Variants in GALK2 observed in about 807,000 individuals in gnomAD.
The protein encoded by GALK2 is galactokinase 2.
Under a neutral mutation model 52.4 loss-of-function variants are expected in GALK2, and 36 were observed. That is an observed-to-expected ratio of 0.69 (90% CI 0.53 to 0.91). The LOEUF is 0.91. Ranked by LOEUF, GALK2 falls within the 40% of genes least tolerant of loss-of-function variation. GALK2 has a pLI of 0.00. For synonymous variants in GALK2, 176 were observed against 199.1 expected, an observed-to-expected ratio of 0.88 and a Z score of 0.98; for missense variants, 579 against 559.1, an observed-to-expected ratio of 1.04 and a Z score of -0.36.
At chr15:49,366,397 A>G in intron 3 of GALK2, 2 of 809,448 alleles carry the variant, frequency 2.5e-6, no homozygotes, top group Non-Finnish European at 2.2e-6. Flanking sequence ...TTTCAAGAAA[A>G]TGGCAGCTGC....
chr15:49,158,252 G>C (rs528404649), intron 1 of GALK2, among the ~76,000 whole-genome samples: 1 of 152,304 alleles, frequency 6.6e-6, no homozygotes, highest in African/African-American at 2.4e-5. Context: ...TGATACAGAA[G>C]ATGCTAAAGA....
intron 1 of GALK2, 75 bp downstream of exon 1, chr15:49,170,450 T>G: frequency 6.8e-7 from 1 of 1,463,304 alleles, no homozygotes; most frequent in South Asian, 1.2e-5. Flanking sequence ...AGCACTTGGC[T>G]CCTCCCTTGG....
At chr15:49,203,139 C>G (rs1406624424) in intron 2 of GALK2, among the ~76,000 whole-genome samples, 2 of 152,278 alleles carry the variant, frequency 1.3e-5, no homozygotes, top group African/African-American at 4.8e-5. Context: ...CAACCTCCAC[C>G]TCCTGGGTTC....
chr15:49,365,399 T>G, intron 3 of GALK2: 1 of 1,121,534 alleles, frequency 8.9e-7, no homozygotes, highest in Non-Finnish European at 1.4e-6. Context: ...AGAACCAGTC[T>G]AAACATCAAC....
At chr15:49,246,343 T>A (rs1426348889) in intron 5 of GALK2, among the ~76,000 whole-genome samples, 1 of 152,170 alleles carries the variant, frequency 6.6e-6, no homozygotes, top group Non-Finnish European at 1.5e-5. Context: ...TGTGTTAGAC[T>A]AGCATCTATC....
intron 1 of GALK2, among the ~76,000 whole-genome samples, chr15:49,183,324 C>A (rs1208770294): frequency 3.9e-5 from 6 of 152,088 alleles, no homozygotes; most frequent in Admixed American, 3.9e-4. Context: ...TCTTAGCATT[C>A]CATCACTGTA....
intron 1 of GALK2, among the ~76,000 whole-genome samples, chr15:49,180,976 G>C (rs1003610860): frequency 5.3e-5 from 8 of 151,954 alleles, no homozygotes; most frequent in African/African-American, 1.9e-4. Flanking sequence ...TTGTCCCCCT[G>C]TATTGTGAAT....
chr15:49,343,000 G>C (rs2040962427), intron 3 of GALK2, among the ~76,000 whole-genome samples: 1 of 152,092 alleles, frequency 6.6e-6, no homozygotes, highest in Non-Finnish European at 1.5e-5. Flanking sequence ...ATGCCTTGGT[G>C]ATGTTCATTT....
intron 3 of GALK2, among the ~76,000 whole-genome samples, chr15:49,233,637 G>A (rs538261206): frequency 2.0e-5 from 3 of 152,202 alleles, no homozygotes; most frequent in South Asian, 2.1e-4. Context: ...TAACATAACT[G>A]TATCTGCTTT....
intron 5 of GALK2, among the ~76,000 whole-genome samples, chr15:49,242,862 A>T (rs1266518322): frequency 6.6e-6 from 1 of 152,234 alleles, no homozygotes; most frequent in East Asian, 1.9e-4. Flanking sequence ...TCCCTAAATT[A>T]ATCTTCTTTT....
At position 49,356,461 on chromosome 15, in the gene GALK2, C is replaced by G. The variant is rs1467123012; in HGVS notation, c.427-11030C>G. Among the ~76,000 whole-genome samples the G allele has an allele frequency of 2.0e-5, 3 of 150,148 alleles. No individual in the cohort carries two copies. The South Asian group carries it at 6.5e-4, about 32-fold the overall frequency. On this transcript the variant is annotated intron_variant, in intron 3 of 3. Transcript: ENST00000558399. ...AGTCTCTGATACAACAGACTTTAAA[C>G]CAACAAAGATCAAAAGAGACAAAGA...
chr15:49,196,867 A>G (rs2087279554), intron 1 of GALK2, among the ~76,000 whole-genome samples: 1 of 152,172 alleles, frequency 6.6e-6, no homozygotes, highest in African/African-American at 2.4e-5. Flanking sequence ...AGGCAGGAGG[A>G]TCACTTGAAG....
At chr15:49,350,115 T>G (rs2163096) in intron 3 of GALK2, among the ~76,000 whole-genome samples, 63,733 of 151,836 alleles carry the variant, frequency 0.42, 13,513 homozygotes, top group African/African-American at 0.45. Flanking sequence ...GGTATATCAA[T>G]TTCTATAAAA....
chr15:49,216,129 A>G (rs1427517865), intron 2 of GALK2, among the ~76,000 whole-genome samples: 1 of 152,170 alleles, frequency 6.6e-6, no homozygotes, highest in East Asian at 1.9e-4. Context: ...TGGGCTGCCT[A>G]GAGCACTTCC....
chr15:49,161,425 T>TA (rs2084647600), intron 1 of GALK2, among the ~76,000 whole-genome samples: 1 of 152,230 alleles, frequency 6.6e-6, no homozygotes, highest in Non-Finnish European at 1.5e-5. Flanking sequence ...TTTCTGTCCT[T>TA]AAAAATCCAT....
At position 49,260,835 on chromosome 15, in the gene GALK2, A is replaced by G. The variant is rs1017238504; in HGVS notation, c.505-21152A>G. On this transcript the variant is annotated intron_variant, in intron 5 of 9. Transcript: ENST00000560031. ...TTATTAAATAGGGAATCCTTTCCCC[A>G]TTGCTTGTTTTTCTCAGGTTTGTCA... Among the ~76,000 whole-genome samples, 31 of 152,146 alleles carry G rather than the reference A, an allele frequency of 2.0e-4. 1 individual carries two copies. Among genetic ancestry groups the G allele is most frequent in the African/African-American group, 7.5e-4 (31 of 41,508 alleles).
intron 3 of GALK2, among the ~76,000 whole-genome samples, chr15:49,354,257 T>TAGG (rs1270673932): frequency 6.6e-6 from 1 of 152,224 alleles, no homozygotes; most frequent in Non-Finnish European, 1.5e-5. Context: ...GATGGCCGAA[T>TAGG]AGGAACAGCT....
intron 2 of GALK2, among the ~76,000 whole-genome samples, chr15:49,211,518 A>G (rs1163347867): frequency 6.6e-6 from 1 of 152,150 alleles, no homozygotes; most frequent in Non-Finnish European, 1.5e-5. Context: ...GCAATGCCCC[A>G]CTTCTGATAC....
At chr15:49,167,607 C>A (rs2084864622), upstream of GALK2, among the ~76,000 whole-genome samples, 1 of 152,196 alleles carries the variant, frequency 6.6e-6, no homozygotes, top group Admixed American at 6.5e-5. Context: ...GATCTGCCCA[C>A]CTTGGCCTCC....
Sources: gnomAD v4.1 joint callset for allele counts (sites outside exome capture counted in the v4.1 genomes callset) on GRCh38, gnomAD v4.1.1 for gene constraint, MANE v1.5 for transcripts, NCBI Gene and HGNC (gene_info 2026-07-23, HGNC 2026-07-21) for gene names.